The following KRT77 variants were observed in gnomAD, a reference collection of about 807,000 sequenced individuals.
The protein encoded by KRT77 is keratin 77.
Under a neutral mutation model 51.5 loss-of-function variants are expected in KRT77, and 44 were observed. The observed-to-expected ratio is 0.85, with a 90% CI of 0.67 to 1.10. The LOEUF is 1.10. KRT77 is among the 50% of genes least tolerant of loss of function. The pLI is 0.00. For missense variants in KRT77, 763 were observed against 743.9 expected (o/e 1.03, Z -0.30); for synonymous variants, 293 against 302.0 (o/e 0.97, Z 0.31).
intron 2 of KRT77, 146 bp downstream of exon 2, chr12:52,697,536 A>C: frequency 6.6e-6 from 4 of 604,888 alleles, no homozygotes; most frequent in Non-Finnish European, 1.2e-5. Context: ...GCCACATACA[A>C]AACAGTGCCT....
At chr12:52,696,666 C>T (rs1303264371) in intron 2 of KRT77, 7 of 496,696 alleles carry the variant, frequency 1.4e-5, no homozygotes, top group African/African-American at 1.3e-4. Context: ...CATGGAAAAC[C>T]CAGAGCCACA....
rs751663426 is a variant in KRT77, at chr12:52,691,218, C to T, written c.1684G>A (p.Val562Met). Residue 562 changes from valine to methionine, a missense_variant, in exon 9 of 9, where the codon GTG (valine) becomes ATG (methionine). Physicochemically the swap from Val to Met is conservative, Grantham distance 21. Transcript: ENST00000341809. ...TTGGTGGAGGTCTGGATGATCTGCA[C>T]GCGCGAGGATCCGCGGCCGCTTCTG... The part of the protein sequence containing the change: ...SGRSGRGSSR[V>M]QIIQTSTNTS... The T allele has an allele frequency of 1.9e-6, 3 of 1,614,068 alleles. No homozygotes were observed. The highest frequency in any genetic ancestry group is 3.3e-5 in the Admixed American group (2 of 60,020).
chr12:52,698,632 A>G (rs1423790134), intron 1 of KRT77, among the ~76,000 whole-genome samples: 1 of 152,174 alleles, frequency 6.6e-6, no homozygotes, highest in Non-Finnish European at 1.5e-5. Context: ...AACTGTGGAT[A>G]TGGAGGTAAG....
intron 5 of KRT77, 83 bp downstream of exon 5, chr12:52,694,543 A>C: frequency 1.5e-6 from 2 of 1,298,182 alleles, no homozygotes; most frequent in Non-Finnish European, 1.0e-6. Flanking sequence ...CTTCAGAAAT[A>C]AGAGAAAGAC....
At position 52,694,303 on chromosome 12, in the gene KRT77, C is replaced by T. The variant is rs142085200; in HGVS notation, c.1080+323G>A. On this transcript the variant is annotated intron_variant, in intron 5 of 8. Coordinates refer to ENST00000341809, the MANE Select transcript of KRT77 (RefSeq NM_175078.3). Reference sequence around the variant, plus strand: ...GAAATAATAATAAATAAGTAAAGCACTTTGTGCAGTGCCTAACACATATGA... The same window carrying T: ...GAAATAATAATAAATAAGTAAAGCATTTTGTGCAGTGCCTAACACATATGA... Among the ~76,000 whole-genome samples, 179 of 152,292 alleles carry T rather than the reference C, an allele frequency of 1.2e-3. 1 individual carries two copies. The highest frequency in any genetic ancestry group is 4.0e-3 in the African/African-American group (166 of 41,570).
intron 8 of KRT77, 25 bp from the exon 9 acceptor site, chr12:52,691,464 G>C (rs1363235478): frequency 1.3e-6 from 2 of 1,532,328 alleles, no homozygotes; most frequent in Non-Finnish European, 1.7e-6. Context: ...CAGTGCACAC[G>C]GGGTCAGAGG....
chr12:52,690,987 G>A lies in KRT77; in HGVS notation c.*178C>T. ...ACTGCAAGCCAGTGCCCTCCAAAGA[G>A]AGATCTGCTGTTTGGACTTATCCAC... On this transcript the variant is annotated 3_prime_UTR_variant, in exon 9 of 9. Transcript: ENST00000341809. 1.2e-6 allele frequency: 1 copy of A among 806,234 alleles called. No individual in the cohort carries two copies. The highest frequency in any genetic ancestry group is 1.8e-5 in the South Asian group (1 of 56,512). The allele number at this position is 806,234 out of a possible 1,614,324, so 49.9% of individuals were successfully genotyped here. A position where few individuals can be genotyped will look rare whatever the true frequency, so the allele number is the denominator to read the frequency against.
intron 5 of KRT77, 27 bp downstream of exon 5, chr12:52,694,599 G>A: frequency 6.4e-7 from 1 of 1,558,014 alleles, no homozygotes; most frequent in South Asian, 1.2e-5. Flanking sequence ...TGTTTTTCTG[G>A]GCACCAGATC....
At chr12:52,701,616 G>A (rs1249498174) in intron 1 of KRT77, among the ~76,000 whole-genome samples, 1 of 152,226 alleles carries the variant, frequency 6.6e-6, no homozygotes, top group African/African-American at 2.4e-5. Flanking sequence ...GTTCCTCCTG[G>A]GGAGGTGCTA....
intron 4 of KRT77, 38 bp downstream of exon 4, chr12:52,695,734 G>A (rs762875231): frequency 1.4e-6 from 2 of 1,426,484 alleles, no homozygotes; most frequent in Non-Finnish European, 2.0e-6. Context: ...TGTGAGATGT[G>A]AGAAAAGAAA....
In KRT77 at chr12:52,691,114, T is replaced by G; in HGVS notation, c.*51A>C. 6.2e-7 allele frequency: 1 copy of G among 1,612,514 alleles called. No homozygotes were observed. The highest frequency in any genetic ancestry group is 1.1e-5 in the South Asian group (1 of 90,920). On this transcript the variant is annotated 3_prime_UTR_variant, in exon 9 of 9. Coordinates refer to ENST00000341809, the MANE Select transcript of KRT77 (RefSeq NM_175078.3). ...AGGAAGGGCGTGGAGGGGAGGAGTT[T>G]GAGGAGAGGGCGGTGAGGGGCAGGC...
chr12:52,694,739 T>C lies in KRT77; in HGVS notation c.967A>G (p.Met323Val), dbSNP rs141924269. 6.2e-6 allele frequency: 10 copies of C among 1,612,932 alleles called. No homozygotes were observed. The highest frequency in any genetic ancestry group is 1.3e-5 in the African/African-American group (1 of 74,914). ...HISDTNVILS[M>V]DNNRSLDLDS... ...AGGTCCAGGGAACGGTTATTGTCCA[T>C]GGACAGGATGACGTTGGTGTCGCTG... Residue 323 changes from methionine (M) to valine (V), a missense_variant, in exon 5 of 9, where the codon ATG becomes GTG. Physicochemically the swap from Met to Val is conservative, Grantham distance 21. Coordinates refer to ENST00000341809, the MANE Select transcript of KRT77 (RefSeq NM_175078.3).
chr12:52,696,018 T>C (rs1941790584), intron 3 of KRT77, 151 bp from the exon 4 acceptor site: 2 of 634,040 alleles, frequency 3.2e-6, no homozygotes, highest in Admixed American at 2.7e-5. Flanking sequence ...GACCCACAAG[T>C]CCTGGCTTTC....
chr12:52,698,231 G>GTCTC, intron 1 of KRT77: 1 of 1,010,418 alleles, frequency 9.9e-7, no homozygotes, highest in Non-Finnish European at 1.4e-6. Flanking sequence ...CGGAGCATCT[G>GTCTC]AGACACTGAT....
chr12:52,701,082 T>G (rs1392745657), intron 1 of KRT77, among the ~76,000 whole-genome samples: 1 of 152,216 alleles, frequency 6.6e-6, no homozygotes. Context: ...CACTGCCCTA[T>G]GCCATGCAAC....
intron 1 of KRT77, among the ~76,000 whole-genome samples, chr12:52,698,803 CG>C (rs1941840147): frequency 6.6e-6 from 1 of 152,246 alleles, no homozygotes; most frequent in African/African-American, 2.4e-5. Context: ...TTTGCTCGGC[CG>C]CATGCAGGCG....
intron 7 of KRT77, 65 bp downstream of exon 7, chr12:52,692,356 C>T (rs1941723608): frequency 6.4e-7 from 1 of 1,556,510 alleles, no homozygotes; most frequent in Non-Finnish European, 8.8e-7. Context: ...CTCCAAATAG[C>T]CAGTCCCACA....
At chr12:52,694,929 G>A (rs1474709552) in intron 4 of KRT77, 139 bp from the exon 5 acceptor site, 10 of 697,586 alleles carry the variant, frequency 1.4e-5, no homozygotes, top group Non-Finnish European at 2.0e-5. Context: ...TGGAATTGTT[G>A]TGTGCAATGA....
In KRT77 at chr12:52,692,508, C is replaced by A. The variant is rs760656188; in HGVS notation, c.1340G>T (p.Arg447Leu). Reference sequence around the variant, plus strand: ...GACCCCCAGCATGGCCTGGTAGTCACGCAGCAGCCGGGCCAGCTCCTCCTT... The same window carrying A: ...GACCCCCAGCATGGCCTGGTAGTCAAGCAGCAGCCGGGCCAGCTCCTCCTT... ...QSKEELARLL[R>L]DYQAMLGVKL... The change falls in exon 7 of 9, where the codon CGT becomes CTT. Residue 447 changes from arginine to leucine, a missense_variant. By Grantham distance (102) the Arg-to-Leu change is moderately radical (BLOSUM62 -2). Transcript: ENST00000341809. 1.2e-6 allele frequency: 2 copies of A among 1,613,916 alleles called. No homozygotes were observed. Among genetic ancestry groups the A allele is most frequent in the African/African-American group, 1.3e-5 (1 of 74,898 alleles).
Sources: allele counts gnomAD v4.1 joint callset (sites outside exome capture counted in the v4.1 genomes callset), GRCh38; gene constraint gnomAD v4.1.1; transcripts MANE v1.5; gene names NCBI Gene and HGNC (gene_info 2026-07-23, HGNC 2026-07-21).